Variants in NPHS2 observed in about 807,000 individuals in gnomAD.
The protein encoded by NPHS2 is podocin.
A neutral mutation model predicts 37.1 loss-of-function variants in NPHS2; 36 were observed. That is an observed-to-expected ratio of 0.97 (90% confidence interval 0.74 to 1.28). The LOEUF is 1.28. Among genes scored for constraint, NPHS2 ranks in the 50% most tolerant of loss-of-function variants. The pLI is 0.00. For missense variants in NPHS2, 447 were observed against 488.1 expected, an observed-to-expected ratio of 0.92 and a Z score of 0.79; for synonymous variants, 196 against 189.3, an observed-to-expected ratio of 1.04 and a Z score of -0.29.
rs137994902 is a variant in NPHS2 at position 179,562,870 on chromosome 1, C to T, written c.379-1509G>A. ...GAGATGAAGGGGAGTCTTATTTCTT[C>T]AAGACCTTGCTCAAATATAACTGCC... On this transcript the variant is annotated intron_variant, in intron 2 of 7. Coordinates refer to ENST00000367615, the MANE Select transcript of NPHS2 (RefSeq NM_014625.4). Among the ~76,000 whole-genome samples the T allele has an allele frequency of 1.3e-3, 200 of 152,294 alleles. 5 individuals carry two copies. The East Asian group carries it at 0.035, about 27-fold the overall frequency.
chr1:179,558,996 TGTA>T (rs1320638531), intron 4 of NPHS2, among the ~76,000 whole-genome samples: 1 of 152,084 alleles, frequency 6.6e-6, no homozygotes, highest in East Asian at 1.9e-4. Context: ...TACATATATA[TGTA>T]CACACACACG....
chr1:179,573,102 G>A (rs949000241), intron 1 of NPHS2, among the ~76,000 whole-genome samples: 5 of 152,098 alleles, frequency 3.3e-5, no homozygotes, highest in African/African-American at 1.2e-4. Flanking sequence ...TAAGTGCTGG[G>A]ATTATAGGTA....
chr1:179,560,741 T>C (rs1674106830), intron 3 of NPHS2, among the ~76,000 whole-genome samples: 1 of 152,140 alleles, frequency 6.6e-6, no homozygotes, highest in South Asian at 2.1e-4. Context: ...CTGTCTCCCA[T>C]AATGAGCTTG....
At chr1:179,561,607 C>T (rs2125787979) in intron 2 of NPHS2, among the ~76,000 whole-genome samples, 1 of 152,274 alleles carries the variant, frequency 6.6e-6, no homozygotes, top group Middle Eastern at 3.4e-3. Context: ...TTATGATTAT[C>T]TAAAATCCAT....
intron 3 of NPHS2, among the ~76,000 whole-genome samples, chr1:179,560,511 G>A (rs1351124987): frequency 6.6e-6 from 1 of 151,966 alleles, no homozygotes; most frequent in African/African-American, 2.4e-5. Context: ...CTTTGTCCTG[G>A]AACTACAGAG....
intron 4 of NPHS2, 35 bp from the exon 5 acceptor site, chr1:179,557,265 TC>T (rs1455510228): frequency 2.6e-6 from 4 of 1,556,138 alleles, no homozygotes; most frequent in Non-Finnish European, 3.5e-6. Flanking sequence ...CAGGCTTGAT[TC>T]TTGGGCTCCT....
chr1:179,551,341 C>T lies in NPHS2; in HGVS notation c.984G>A (p.Gln328=), dbSNP rs774612878. The change falls in exon 8 of 8, where the codon CAG becomes CAA. Residue 328 remains glutamine, a synonymous_variant. Coordinates refer to ENST00000367615, the MANE Select transcript of NPHS2 (RefSeq NM_014625.4). ...TGGAAGGCTTCTCTGTGGACAGAGA[C>T]TGAAGGGTGTGGAGGTATCGAAGCT... is the stretch of plus-strand genomic sequence containing the variant. ...AVQLRYLHTL[Q]SLSTEKPSTV... is the part of the protein sequence containing the mutation. 1 of 1,614,100 alleles carries T rather than the reference C, an allele frequency of 6.2e-7. No individual in the cohort carries two copies. Among genetic ancestry groups the T allele is most frequent in the South Asian group, 1.1e-5 (1 of 91,068 alleles).
intron 2 of NPHS2, 134 bp downstream of exon 2, chr1:179,564,556 T>C: frequency 1.3e-6 from 1 of 795,428 alleles, no homozygotes; most frequent in Admixed American, 2.0e-5. Flanking sequence ...TAAGCTATCC[T>C]GGAAGGTGAG....
At position 179,551,246 on chromosome 1, in the gene NPHS2, C is replaced by G; in HGVS notation, c.1079G>C (p.Ser360Thr). 1 of 1,614,090 alleles carries G rather than the reference C, an allele frequency of 6.2e-7. No individual in the cohort carries two copies. Residue 360 changes from serine (S) to threonine (T), a missense_variant, in exon 8 of 8, where the codon AGC becomes ACC. Coordinates refer to ENST00000367615, the MANE Select transcript of NPHS2 (RefSeq NM_014625.4). ...LSSPSNRTQG[S>T]LPFPSPSKPV... is the part of the protein sequence containing the mutation. ...TTTGGAAGGACTTGGGAAGGGGAGG[C>G]TTCCCTGAGTTCTGTTGCTGGGAGA...
At chr1:179,561,932 A>G (rs151153344) in intron 2 of NPHS2, among the ~76,000 whole-genome samples, 4 of 152,180 alleles carry the variant, frequency 2.6e-5, no homozygotes, top group African/African-American at 9.6e-5. Flanking sequence ...CAGCCTCCCA[A>G]GTAGCTGGTA....
At chr1:179,559,001 A>G (rs540787113) in intron 4 of NPHS2, among the ~76,000 whole-genome samples, 1 of 151,898 alleles carries the variant, frequency 6.6e-6, no homozygotes, top group African/African-American at 2.4e-5. Context: ...ATATATGTAC[A>G]CACACACGTA....
At chr1:179,567,510 A>C (rs1313322506) in intron 1 of NPHS2, among the ~76,000 whole-genome samples, 1 of 152,212 alleles carries the variant, frequency 6.6e-6, no homozygotes, top group Non-Finnish European at 1.5e-5. Context: ...TGTCATCTGC[A>C]AACAGGGACA....
chr1:179,554,281 A>G (rs1051888559), intron 6 of NPHS2, among the ~76,000 whole-genome samples, 195 bp downstream of exon 6: 8 of 152,204 alleles, frequency 5.3e-5, no homozygotes, highest in African/African-American at 1.9e-4. Flanking sequence ...AAAAATAATC[A>G]GAGTAATTTG....
At chr1:179,561,468 CCAGGAA>C (rs1429305035) in intron 2 of NPHS2, 107 bp from the exon 3 acceptor site, 1 of 814,998 alleles carries the variant, frequency 1.2e-6, no homozygotes, top group African/African-American at 1.7e-5. Context: ...GTTTTGAGAA[CCAGGAA>C]AAAATTTCTA....
Position 179,551,209 on chromosome 1 carries a change from T to C in NPHS2, c.1116A>G (p.Pro372=), listed in dbSNP as rs769514079. The part of the protein sequence containing the change: ...PFPSPSKPVE[P]LNPKKKDSPM... ...GAGAGTCTTTCTTTTTAGGATTTAG[T>C]GGCTCAACAGGTTTGGAAGGACTTG... The change falls in exon 8 of 8, where the codon CCA becomes CCG. Residue 372 remains proline, a synonymous_variant. Transcript: ENST00000367615. 6.2e-7 allele frequency: 1 copy of C among 1,614,148 alleles called. No homozygotes were observed. The highest frequency in any genetic ancestry group is 8.5e-7 in the Non-Finnish European group (1 of 1,180,018).
chr1:179,565,050 C>T (rs903588727), intron 1 of NPHS2, among the ~76,000 whole-genome samples: 1 of 151,888 alleles, frequency 6.6e-6, no homozygotes, highest in Non-Finnish European at 1.5e-5. Flanking sequence ...GTGAGAGGAT[C>T]GCTTGAGTCC....
At chr1:179,567,925 C>T (rs9701516) in intron 1 of NPHS2, among the ~76,000 whole-genome samples, 30,799 of 151,762 alleles carry the variant, frequency 0.2, 3,792 homozygotes, top group Non-Finnish European at 0.27. Context: ...CCAACTTGAT[C>T]GTGGTGGATG....
chr1:179,558,680 C>G (rs1674024001), intron 4 of NPHS2, among the ~76,000 whole-genome samples: 1 of 152,070 alleles, frequency 6.6e-6, no homozygotes, highest in Non-Finnish European at 1.5e-5. Context: ...AGTGGCTGCA[C>G]CATTTTACAT....
At chr1:179,564,078 C>A (rs749203902) in intron 2 of NPHS2, among the ~76,000 whole-genome samples, 10 of 152,200 alleles carry the variant, frequency 6.6e-5, no homozygotes, top group Non-Finnish European at 1.3e-4. Context: ...GAGGCTCTTT[C>A]TGCCCAATCC....
Sources: gnomAD v4.1 joint callset for allele counts (sites outside exome capture counted in the v4.1 genomes callset) on GRCh38, gnomAD v4.1.1 for gene constraint, MANE v1.5 for transcripts, NCBI Gene and HGNC (gene_info 2026-07-23, HGNC 2026-07-21) for gene names.